PSG7: variants seen among roughly 807,000 people sequenced by gnomAD.
PSG7 encodes pregnancy specific beta-1-glycoprotein 7.
Under a neutral mutation model 45.6 loss-of-function variants are expected in PSG7, and 57 were observed. The ratio of observed to expected loss-of-function variants is 1.25; its 90% CI spans 1.01 to 1.56. The LOEUF (loss-of-function observed/expected upper bound fraction) is 1.56. PSG7 is among the 40% of genes most tolerant of loss of function. The pLI, the probability that PSG7 is intolerant of heterozygous loss-of-function variation, is 0.00. For synonymous variants in PSG7, 298 were observed against 194.4 expected, an observed-to-expected ratio of 1.53 and a Z score of -4.43; for missense variants, 796 against 508.4, an observed-to-expected ratio of 1.57 and a Z score of -5.44.
chr19:42,935,400 T>C lies in PSG7; in HGVS notation c.430+4A>G, dbSNP rs782040566. On this transcript the variant is annotated splice_donor_region_variant and intron_variant, in intron 2 of 5. Transcript: ENST00000406070. ...ACACCCAGGGACCATGTGGAATCAC[T>C]CACGGTATAAGGTGAAGGTGAAACG... is the stretch of plus-strand genomic sequence containing the variant. 9.3e-6 allele frequency: 15 copies of C among 1,611,250 alleles called. 2 individuals are homozygous for C. The East Asian group carries it at 3.1e-4, about 34-fold the overall frequency.
chr19:42,926,431 T>A lies in PSG7; in HGVS notation c.988+7A>T, dbSNP rs1188811578. The A allele has an allele frequency of 1.3e-5, 21 of 1,611,208 alleles. No homozygotes were observed. Among genetic ancestry groups the A allele is most frequent in the East Asian group, 2.2e-5 (1 of 44,790 alleles). On this transcript the variant is annotated splice_region_variant and intron_variant, in intron 4 of 5. Coordinates refer to ENST00000406070, the MANE Select transcript of PSG7 (RefSeq NM_002783.3). Reference sequence around the variant, plus strand: ...CAGAGGAAGAAAGGATACTCAAGGATACTCACAGAGGACATTCAGGGTGAC... The same window carrying A: ...CAGAGGAAGAAAGGATACTCAAGGAAACTCACAGAGGACATTCAGGGTGAC...
intron 2 of PSG7, among the ~76,000 whole-genome samples, chr19:42,933,883 G>A (rs1181990517): frequency 6.6e-6 from 1 of 151,374 alleles, no homozygotes; most frequent in African/African-American, 2.4e-5. Context: ...GTGGCTTTAG[G>A]GGCAAGAGGT....
In PSG7 at chr19:42,937,003, CTCTCCTCACCTGTGA is replaced by C. The variant is rs752315683; in HGVS notation, c.59_64+9del. On this transcript the variant is annotated splice_donor_variant and splice_donor_5th_base_variant and coding_sequence_variant and intron_variant, in exon 1 of 6. Coordinates refer to ENST00000406070, the MANE Select transcript of PSG7 (RefSeq NM_002783.3). LOFTEE classifies it high-confidence loss of function. ...TTTTCCTGTCCTCTCCCAGGAAGTT[CTCTCCTCACCTGTGA>C]GCAGGAGCCCTTTCCAGGTTATATG... 6.8e-6 allele frequency: 11 copies of C among 1,610,790 alleles called. No homozygotes were observed. Among genetic ancestry groups the C allele is most frequent in the Non-Finnish European group, 7.6e-6 (9 of 1,178,124 alleles).
intron 2 of PSG7, among the ~76,000 whole-genome samples, chr19:42,933,358 G>A (rs183757047): frequency 1.7e-5 from 2 of 116,090 alleles, no homozygotes; most frequent in African/African-American, 6.5e-5. Flanking sequence ...AGAAGAACTT[G>A]TCTGGCAATT....
Position 42,931,390 on chromosome 19 carries a change from A to C in PSG7, c.431-1670T>G, listed in dbSNP as rs981336352. On this transcript the variant is annotated intron_variant, in intron 2 of 5. Coordinates refer to ENST00000406070, the MANE Select transcript of PSG7 (RefSeq NM_002783.3). The stretch of plus-strand genomic sequence containing the variant: ...AAGTAGAGAGAGTCCCGTTAAAAGG[A>C]CAGAACTGGTCAGTGCATCAATTAC... Among the ~76,000 whole-genome samples, 7 of 151,668 alleles carry C rather than the reference A, an allele frequency of 4.6e-5. 1 individual carries two copies. Among genetic ancestry groups the C allele is most frequent in the South Asian group, 2.1e-4 (1 of 4,760 alleles).
At chr19:42,926,214 C>G (rs1272145608) in intron 4 of PSG7, 187 bp from the exon 5 acceptor site, 4 of 1,384,976 alleles carry the variant, frequency 2.9e-6, no homozygotes, top group Non-Finnish European at 3.9e-6. Context: ...GCTGTGGGCC[C>G]CAAGTCTCCC....
chr19:42,935,803 G>C, intron 1 of PSG7, 34 bp from the exon 2 acceptor site: 1 of 1,583,972 alleles, frequency 6.3e-7, no homozygotes, highest in Non-Finnish European at 8.6e-7. Flanking sequence ...TCAATATTGA[G>C]ACCTATGTGT....
chr19:42,932,223 C>G (rs575858346), intron 2 of PSG7, among the ~76,000 whole-genome samples: 1 of 151,302 alleles, frequency 6.6e-6, no homozygotes, highest in South Asian at 2.1e-4. Context: ...CGGGGTTTCA[C>G]CATGTTAGCC....
Position 42,934,222 on chromosome 19 carries a change from G to A in PSG7, c.430+1182C>T, listed in dbSNP as rs1337094405. On this transcript the variant is annotated intron_variant, in intron 2 of 5. Transcript: ENST00000406070. ...AGGGGGAGACCTGGACATTTTTTTT[G>A]CACTGACTCTGATGGTTGAGGCAGC... Among the ~76,000 whole-genome samples the A allele has an allele frequency of 1.3e-5, 2 of 151,280 alleles. 1 individual carries two copies. The highest frequency in any genetic ancestry group is 2.9e-5 in the Non-Finnish European group (2 of 67,808).
Position 42,937,194 on chromosome 19 carries a change from G to C in PSG7, c.-118C>G. On this transcript the variant is annotated 5_prime_UTR_variant, in exon 1 of 6. Coordinates refer to ENST00000406070, the MANE Select transcript of PSG7 (RefSeq NM_002783.3). Reference sequence around the variant, plus strand: ...CTTCTGCACTGAGCCTCTTCCCGGGGCAGGAGCACTTCTCAAGCTCATGGG... The same window carrying C: ...CTTCTGCACTGAGCCTCTTCCCGGGCCAGGAGCACTTCTCAAGCTCATGGG... The C allele has an allele frequency of 7.0e-7, 1 of 1,426,700 alleles. No individual in the cohort carries two copies. Among genetic ancestry groups the C allele is most frequent in the East Asian group, 2.4e-5 (1 of 41,990 alleles). The allele number at this position is 1,426,700 out of a possible 1,614,324, so 88.4% of individuals were successfully genotyped here. A position where few individuals can be genotyped will look rare whatever the true frequency, so the allele number is the denominator to read the frequency against.
chr19:42,924,851 A>T (rs779694662), intron 5 of PSG7, 27 bp from the exon 6 acceptor site: 19 of 763,998 alleles, frequency 2.5e-5, no homozygotes, highest in Middle Eastern at 2.3e-4. Flanking sequence ...AAACACAGAA[A>T]CAATGAACAG....
intron 2 of PSG7, among the ~76,000 whole-genome samples, chr19:42,932,150 A>G (rs4641859): frequency 0.92 from 138,409 of 150,882 alleles, 63,858 homozygotes; most frequent in East Asian, 1. Context: ...CAGCCTCCCG[A>G]GTAGCTGGGA....
chr19:42,925,431 TA>T (rs1254935920), intron 5 of PSG7: 10 of 551,972 alleles, frequency 1.8e-5, no homozygotes, highest in Non-Finnish European at 2.3e-5. Context: ...AGAGATAGAT[TA>T]AAAGACAAAT....
chr19:42,934,681 T>G (rs1432336635), intron 2 of PSG7, among the ~76,000 whole-genome samples: 1 of 151,656 alleles, frequency 6.6e-6, no homozygotes, highest in Non-Finnish European at 1.5e-5. Flanking sequence ...GTGGACAAGC[T>G]GCTACCTGGT....
intron 4 of PSG7, 127 bp downstream of exon 4, chr19:42,926,311 G>T (rs112724259): frequency 9.2e-6 from 14 of 1,526,872 alleles, no homozygotes; most frequent in East Asian, 2.3e-5. Context: ...TGGCCAGCTC[G>T]GATGTCCAGA....
intron 5 of PSG7, chr19:42,925,187 A>G (rs917769049): frequency 3.0e-6 from 1 of 333,798 alleles, no homozygotes; most frequent in Non-Finnish European, 5.4e-6. Flanking sequence ...CATTCTAGCT[A>G]TATTCTTAAA....
Position 42,933,280 on chromosome 19 carries a change from TATATATATATATATATATATATATATA to T in PSG7, c.430+2097_430+2123del, listed in dbSNP as rs1391364651. Among the ~76,000 whole-genome samples, 10 of 6,910 alleles carry T rather than the reference TATATATATATATATATATATATATATA, an allele frequency of 1.4e-3. 1 individual carries two copies. The highest frequency in any genetic ancestry group is 5.2e-3 in the East Asian group (1 of 192). The allele number at this position is 6,910 out of a possible 152,430, so 4.5% of individuals were successfully genotyped here. On this transcript the variant is annotated intron_variant, in intron 2 of 5. Transcript: ENST00000406070. ...ATCACCATTTCAATATATATATATATATATATATATATATATATATATATATATTTTTTTTTTTTTTTGGTGTATGTA... is the reference window on the plus strand; with the variant it reads ...ATCACCATTTCAATATATATATATATTTTTTTTTTTTTTTTGGTGTATGTA...
chr19:42,926,949 C>A (rs1972907940), intron 3 of PSG7: 2 of 853,902 alleles, frequency 2.3e-6, no homozygotes, highest in East Asian at 5.5e-5. Flanking sequence ...AATTGAGCAG[C>A]AGTGCTGGGT....
chr19:42,930,252 C>A (rs1012868063), intron 2 of PSG7, among the ~76,000 whole-genome samples: 32 of 151,642 alleles, frequency 2.1e-4, no homozygotes, highest in African/African-American at 7.5e-4. Context: ...ACAGGGGAGA[C>A]CAGAGTCAAG....
Sources: allele counts gnomAD v4.1 joint callset (sites outside exome capture counted in the v4.1 genomes callset), GRCh38; gene constraint gnomAD v4.1.1; transcripts MANE v1.5; gene names NCBI Gene and HGNC (gene_info 2026-07-23, HGNC 2026-07-21).